HUNK: variants seen among roughly 807,000 people sequenced by gnomAD.
The protein encoded by HUNK is hormonally up-regulated Neu-associated kinase, also known as hormonally up-regulated neu tumor-associated kinase.
A neutral mutation model predicts 61.0 loss-of-function variants in HUNK; 21 were observed. The observed-to-expected ratio is 0.34, with a 90% CI of 0.24 to 0.50. The LOEUF is 0.50. Among genes scored for constraint, HUNK ranks in the 20% least tolerant of loss-of-function variants. HUNK has a pLI of 0.98. For missense variants in HUNK, 772 were observed against 945.7 expected (o/e 0.82, Z 2.41); for synonymous variants, 371 against 386.1 (o/e 0.96, Z 0.46).
chr21:31,875,422 T>G (rs3787687), intron 1 of HUNK, among the ~76,000 whole-genome samples: 15,439 of 152,130 alleles, frequency 0.1, 1,308 homozygotes, highest in East Asian at 0.26. Context: ...ATAGAGTGAG[T>G]AGTTTTTAGA....
At chr21:31,892,156 A>ATATAT (rs1368618778) in intron 1 of HUNK, among the ~76,000 whole-genome samples, 5 of 111,960 alleles carry the variant, frequency 4.5e-5, no homozygotes, top group African/African-American at 1.7e-4. Flanking sequence ...GTTAAAAAAA[A>ATATAT]AAAAAAATAT....
chr21:31,900,176 C>T (rs2052454410), intron 1 of HUNK, among the ~76,000 whole-genome samples: 1 of 152,058 alleles, frequency 6.6e-6, no homozygotes, highest in South Asian at 2.1e-4. Flanking sequence ...CAGCATAATC[C>T]ATCCTAATTG....
chr21:31,918,620 A>T (rs550493079), intron 1 of HUNK, among the ~76,000 whole-genome samples: 1 of 152,316 alleles, frequency 6.6e-6, no homozygotes, highest in South Asian at 2.1e-4. Flanking sequence ...TGCCATGGGC[A>T]TCTCCTGGGC....
At chr21:31,949,810 G>A (rs2052836698) in intron 4 of HUNK, among the ~76,000 whole-genome samples, 1 of 152,190 alleles carries the variant, frequency 6.6e-6, no homozygotes, top group Admixed American at 6.5e-5. Flanking sequence ...GGTGGGAGGT[G>A]CGGGGGACCA....
rs762668486 is a variant in HUNK, at chr21:32,000,284, G to C, written c.*1100G>C. On this transcript the variant is annotated 3_prime_UTR_variant, in exon 11 of 11. Transcript: ENST00000270112. ...CGAGTTTGCTGGGAGCTGGGAGCAGGCTTGCCTGGCAGAGAACCTGTTCAG... is the reference window on the plus strand; with the variant it reads ...CGAGTTTGCTGGGAGCTGGGAGCAGCCTTGCCTGGCAGAGAACCTGTTCAG... The C allele has an allele frequency of 2.5e-6, 1 of 399,148 alleles. No homozygotes were observed. The highest frequency in any genetic ancestry group is 4.4e-6 in the Non-Finnish European group (1 of 226,112). The allele number at this position is 399,148 out of a possible 1,614,324, so 24.7% of individuals were successfully genotyped here.
At chr21:31,903,517 C>CA (rs1026635291) in intron 1 of HUNK, among the ~76,000 whole-genome samples, 39 of 143,908 alleles carry the variant, frequency 2.7e-4, no homozygotes, top group Admixed American at 1.2e-3. Context: ...TTACTCTTGC[C>CA]AAAAAAAAAA....
chr21:31,996,032 G>A, intron 10 of HUNK, 84 bp downstream of exon 10: 1 of 1,021,000 alleles, frequency 9.8e-7, no homozygotes, highest in Non-Finnish European at 1.4e-6. Context: ...ATGGTCGAAT[G>A]GGCCCTAGAG....
At chr21:31,962,268 C>T (rs975072345) in intron 5 of HUNK, among the ~76,000 whole-genome samples, 2 of 152,340 alleles carry the variant, frequency 1.3e-5, no homozygotes, top group Admixed American at 1.3e-4. Flanking sequence ...TTAGCATTAG[C>T]ATGAGCCCCA....
rs112937916 is a variant in HUNK at position 31,919,825 on chromosome 21, G to A, written c.262-4643G>A. On this transcript the variant is annotated intron_variant, in intron 1 of 10. Transcript: ENST00000270112. ...GAGTGAGGAGGAGAGAGAGGCTGCC[G>A]GTGAAAGGTGGCGTCATTCCCCACT... Among the ~76,000 whole-genome samples, 192 of 152,300 alleles carry A rather than the reference G, an allele frequency of 1.3e-3. 1 individual carries two copies. Among genetic ancestry groups the A allele is most frequent in the Middle Eastern group, 0.01 (3 of 294 alleles).
intron 4 of HUNK, among the ~76,000 whole-genome samples, chr21:31,946,445 C>G (rs1252245340): frequency 2.6e-5 from 4 of 152,148 alleles, no homozygotes; most frequent in African/African-American, 9.7e-5. Flanking sequence ...GGCTCTGCGA[C>G]TCATTTATGC....
intron 5 of HUNK, among the ~76,000 whole-genome samples, chr21:31,962,407 C>T (rs181089549): frequency 1.3e-5 from 2 of 152,334 alleles, no homozygotes; most frequent in East Asian, 3.9e-4. Context: ...AGGCTGGGCT[C>T]TAAGTGTTTT....
Position 32,000,902 on chromosome 21 carries a change from A to T in HUNK, c.*1718A>T. ...CACCACGGCTCTAGGGCATTCTAGGATGAGGTCAGACCCCTTGGCCATTGG... is the reference window on the plus strand; with the variant it reads ...CACCACGGCTCTAGGGCATTCTAGGTTGAGGTCAGACCCCTTGGCCATTGG... On this transcript the variant is annotated 3_prime_UTR_variant, in exon 11 of 11. Transcript: ENST00000270112. 1 of 397,228 alleles carries T rather than the reference A, an allele frequency of 2.5e-6. No homozygotes were observed. Among genetic ancestry groups the T allele is most frequent in the Non-Finnish European group, 4.4e-6 (1 of 225,824 alleles). 24.6% of individuals were successfully genotyped at this position (397,228 alleles called of 1,614,324 possible).
chr21:31,907,941 G>T (rs1348335492), intron 1 of HUNK, among the ~76,000 whole-genome samples: 1 of 152,000 alleles, frequency 6.6e-6, no homozygotes, highest in Non-Finnish European at 1.5e-5. Context: ...AGTGAGCTGA[G>T]ATCGCGCCAC....
At chr21:31,940,484 T>C (rs527496346) in intron 3 of HUNK, among the ~76,000 whole-genome samples, 9 of 152,368 alleles carry the variant, frequency 5.9e-5, no homozygotes, top group African/African-American at 2.2e-4. Flanking sequence ...AAAACTTCTT[T>C]AAAATAGTGA....
intron 1 of HUNK, among the ~76,000 whole-genome samples, chr21:31,917,445 G>A (rs1386388703): frequency 6.6e-6 from 1 of 152,116 alleles, no homozygotes; most frequent in Admixed American, 6.6e-5. Context: ...TCTTTCAACT[G>A]TCATATATTG....
At chr21:31,991,966 A>T (rs963226782) in intron 9 of HUNK, among the ~76,000 whole-genome samples, 1 of 152,190 alleles carries the variant, frequency 6.6e-6, no homozygotes, top group African/African-American at 2.4e-5. Context: ...GCTGGGAAGG[A>T]TCCACACTTT....
rs149285841 is a variant in HUNK at position 31,945,958 on chromosome 21, T to C, written c.611-78T>C. 1.9e-4 allele frequency: 267 copies of C among 1,410,594 alleles called. No individual in the cohort carries two copies. The East Asian group carries it at 5.7e-3, about 30-fold the overall frequency. 87.4% of individuals were successfully genotyped at this position (1,410,594 alleles called of 1,614,324 possible). ...ATGTTTCCTTTCCTGCTGCCCTTTT[T>C]ATTTTTCCTTTTGTTCCTCCCTCTT... On this transcript the variant is annotated intron_variant, in intron 3 of 10. Coordinates refer to ENST00000270112, the MANE Select transcript of HUNK (RefSeq NM_014586.2).
At chr21:31,965,102 A>G (rs893395538) in intron 5 of HUNK, among the ~76,000 whole-genome samples, 1 of 152,236 alleles carries the variant, frequency 6.6e-6, no homozygotes, top group African/African-American at 2.4e-5. Context: ...GAAGGGAGAT[A>G]GACATTCTGA....
Position 31,992,262 on chromosome 21 carries a change from AG to A in HUNK, c.1305+2087del, listed in dbSNP as rs2053176608. On this transcript the variant is annotated intron_variant, in intron 9 of 10. Coordinates refer to ENST00000270112, the MANE Select transcript of HUNK (RefSeq NM_014586.2). ...GAAGGGAACCAGCTCTCTGGAGCTCAGACCTCAGAGGCTAAGGATGGGTTTC... is the reference window on the plus strand; with the variant it reads ...GAAGGGAACCAGCTCTCTGGAGCTCAACCTCAGAGGCTAAGGATGGGTTTC... Among the ~76,000 whole-genome samples, 3 of 152,224 alleles carry A rather than the reference AG, an allele frequency of 2.0e-5. No individual in the cohort carries two copies. The South Asian group carries it at 6.2e-4, about 32-fold the overall frequency.
Sources: allele counts gnomAD v4.1 joint callset (sites outside exome capture counted in the v4.1 genomes callset), GRCh38; gene constraint gnomAD v4.1.1; transcripts MANE v1.5; gene names NCBI Gene and HGNC (gene_info 2026-07-23, HGNC 2026-07-21).